GLIS3: variants seen among roughly 807,000 people sequenced by gnomAD.
GLIS3 encodes GLIS family zinc finger 3.
Under a neutral mutation model 78.6 loss-of-function variants are expected in GLIS3, and 53 were observed. That is an observed-to-expected ratio of 0.67 (90% CI 0.54 to 0.85). The LOEUF is 0.85. GLIS3 is among the 40% of genes least tolerant of loss of function. GLIS3 has a pLI of 0.00. For synonymous variants in GLIS3, 684 were observed against 509.9 expected, an observed-to-expected ratio of 1.34 and a Z score of -4.60; for missense variants, 1,703 against 1,231.1, an observed-to-expected ratio of 1.38 and a Z score of -5.74.
At chr9:3,992,665 C>T (rs544718502) in intron 4 of GLIS3, among the ~76,000 whole-genome samples, 31 of 152,272 alleles carry the variant, frequency 2.0e-4, no homozygotes, top group African/African-American at 6.7e-4. Context: ...CAACTTTTGA[C>T]AATTTTTTAA....
At chr9:4,220,344 C>G (rs1435132971) in intron 2 of GLIS3, among the ~76,000 whole-genome samples, 9 of 152,180 alleles carry the variant, frequency 5.9e-5, no homozygotes, top group Admixed American at 5.9e-4. Context: ...AAAATAGCTT[C>G]ACATCAAAAA....
At chr9:4,358,164 A>G in the GLIS3 span, among the ~76,000 whole-genome samples, 1 of 152,324 alleles carries the variant, frequency 6.6e-6, no homozygotes, top group African/African-American at 2.4e-5. Context: ...GTGTGTATAT[A>G]TGCAAAGAAA....
intron 2 of GLIS3, among the ~76,000 whole-genome samples, chr9:4,277,801 A>T (rs910225992): frequency 6.6e-6 from 1 of 152,240 alleles, no homozygotes; most frequent in Non-Finnish European, 1.5e-5. Context: ...GGGATCATAA[A>T]GCTGATTTCC....
At chr9:4,431,576 G>A in the GLIS3 span, among the ~76,000 whole-genome samples, 91 of 152,318 alleles carry the variant, frequency 6.0e-4, no homozygotes, top group African/African-American at 2.1e-3. Context: ...CAGGCATGGT[G>A]CCTCATGCCT....
At chr9:4,326,144 C>T (rs1286261600) in intron 2 of GLIS3, among the ~76,000 whole-genome samples, 2 of 152,278 alleles carry the variant, frequency 1.3e-5, no homozygotes, top group East Asian at 3.9e-4. Context: ...CATCGAACCA[C>T]CGTGGCACAC....
chr9:4,223,259 A>C (rs558669972), intron 2 of GLIS3, among the ~76,000 whole-genome samples: 3 of 152,314 alleles, frequency 2.0e-5, no homozygotes, highest in African/African-American at 7.2e-5. Context: ...TGGAGTAAGA[A>C]GACTCAGGAC....
intron 2 of GLIS3, among the ~76,000 whole-genome samples, chr9:4,273,764 G>A (rs1016246973): frequency 6.6e-6 from 1 of 152,022 alleles, no homozygotes; most frequent in Non-Finnish European, 1.5e-5. Context: ...CACATAACTC[G>A]AAGATTCTCT....
At chr9:4,424,365 C>T in the GLIS3 span, among the ~76,000 whole-genome samples, 1 of 152,178 alleles carries the variant, frequency 6.6e-6, no homozygotes, top group East Asian at 1.9e-4. Context: ...CCTCTTGAAG[C>T]TGTAAACCAC....
At chr9:4,376,235 G>A in the GLIS3 span, among the ~76,000 whole-genome samples, 12 of 152,142 alleles carry the variant, frequency 7.9e-5, no homozygotes, top group Non-Finnish European at 1.5e-5. Context: ...GAAGATGTTA[G>A]GAAGGAAACA....
intron 8 of GLIS3, among the ~76,000 whole-genome samples, chr9:3,866,138 T>C (rs1363360077): frequency 6.6e-6 from 1 of 152,210 alleles, no homozygotes; most frequent in African/African-American, 2.4e-5. Context: ...CATTCATTCA[T>C]TTCACAAAAT....
chr9:4,219,361 C>A (rs1050712778), intron 2 of GLIS3, among the ~76,000 whole-genome samples: 1 of 152,184 alleles, frequency 6.6e-6, no homozygotes, highest in African/African-American at 2.4e-5. Flanking sequence ...TGTGGTATGA[C>A]AAGACAAGGG....
chr9:4,168,347 C>A (rs1260294882), intron 2 of GLIS3, among the ~76,000 whole-genome samples: 3 of 152,104 alleles, frequency 2.0e-5, no homozygotes, highest in Admixed American at 2.0e-4. Context: ...TGACTTGAGA[C>A]TGTTAACGGG....
the GLIS3 span, among the ~76,000 whole-genome samples, chr9:4,380,389 A>T: frequency 1.3e-5 from 2 of 152,246 alleles, no homozygotes; most frequent in African/African-American, 2.4e-5. Flanking sequence ...GGCAAACTTC[A>T]AATTATTACT....
intron 4 of GLIS3, among the ~76,000 whole-genome samples, chr9:3,990,656 G>A (rs1247092636): frequency 6.6e-6 from 1 of 152,110 alleles, no homozygotes; most frequent in East Asian, 1.9e-4. Flanking sequence ...AATAGCCCTT[G>A]CCTTCTACTA....
intron 2 of GLIS3, among the ~76,000 whole-genome samples, chr9:4,188,512 A>T (rs528217664): frequency 3.3e-5 from 5 of 150,896 alleles, no homozygotes; most frequent in African/African-American, 1.2e-4. Context: ...TGGCCTCATA[A>T]AATGAGTCAG....
intron 3 of GLIS3, chr9:4,123,742 T>A (rs1029876729): frequency 5.0e-6 from 2 of 397,836 alleles, no homozygotes; most frequent in Non-Finnish European, 8.9e-6. Context: ...TGACTATAAC[T>A]GGAAGGATGT....
At chr9:3,917,623 C>T (rs1824607728) in intron 6 of GLIS3, among the ~76,000 whole-genome samples, 1 of 150,826 alleles carries the variant, frequency 6.6e-6, no homozygotes, top group South Asian at 2.1e-4. Context: ...TCAATGCTCT[C>T]TACTTCCAAG....
At chr9:4,356,826 G>C in the GLIS3 span, among the ~76,000 whole-genome samples, 1 of 152,162 alleles carries the variant, frequency 6.6e-6, no homozygotes, top group Non-Finnish European at 1.5e-5. Flanking sequence ...CCTTTTGGAT[G>C]TAAAATGCCC....
chr9:4,386,364 T>G, the GLIS3 span: 8 of 145,716 alleles, frequency 5.5e-5, no homozygotes, highest in Non-Finnish European at 4.5e-5. Context: ...TTTATTTTTA[T>G]TAGTTTTTCT....
Sources: gnomAD v4.1 joint callset for allele counts (sites outside exome capture counted in the v4.1 genomes callset) on GRCh38, gnomAD v4.1.1 for gene constraint, MANE v1.5 for transcripts, NCBI Gene and HGNC (gene_info 2026-07-23, HGNC 2026-07-21) for gene names.